The following SEC14L4 variants were observed in gnomAD, a reference collection of about 807,000 sequenced individuals.
SEC14L4 encodes the protein SEC14-like protein 4.
A neutral mutation model predicts 55.1 loss-of-function variants in SEC14L4; 42 were observed. The ratio of observed to expected loss-of-function variants is 0.76; its 90% CI spans 0.60 to 0.99. The LOEUF (loss-of-function observed/expected upper bound fraction) is 0.99, where lower values mean the gene tolerates loss of function less well. Among genes scored for constraint, SEC14L4 ranks in the 50% least tolerant of loss-of-function variants. The pLI, the probability that SEC14L4 is intolerant of heterozygous loss-of-function variation, is 0.00. For synonymous variants in SEC14L4, 206 were observed against 206.8 expected (o/e 1.00, Z 0.03); for missense variants, 445 against 512.1 (o/e 0.87, Z 1.27).
intron 6 of SEC14L4, 50 bp downstream of exon 6, chr22:30,494,816 C>T (rs775447371): frequency 1.0e-5 from 13 of 1,242,452 alleles, no homozygotes; most frequent in Non-Finnish European, 1.5e-5. Context: ...CTAGGGCTCA[C>T]AGCTGGGAGC....
chr22:30,500,946 C>T (rs1343555775), intron 2 of SEC14L4, among the ~76,000 whole-genome samples: 2 of 150,820 alleles, frequency 1.3e-5, no homozygotes, highest in African/African-American at 2.4e-5. Flanking sequence ...CTGTAATCCC[C>T]GCACTTTGAG....
At chr22:30,501,854 TATATATATATATATATATATAC>T (rs1201689034) in intron 2 of SEC14L4, among the ~76,000 whole-genome samples, 3 of 137,990 alleles carry the variant, frequency 2.2e-5, no homozygotes, top group Admixed American at 7.2e-5. Flanking sequence ...CACATATATA[TATATATATATATATATATATAC>T]ATACACATAC....
At chr22:30,494,425 T>C (rs1304464798) in intron 6 of SEC14L4, among the ~76,000 whole-genome samples, 1 of 152,212 alleles carries the variant, frequency 6.6e-6, no homozygotes, top group Admixed American at 6.5e-5. Context: ...TGGAGTATAG[T>C]GGCACAATCA....
At chr22:30,496,258 C>T (rs535615146) in intron 2 of SEC14L4, among the ~76,000 whole-genome samples, 1 of 151,970 alleles carries the variant, frequency 6.6e-6, no homozygotes, top group African/African-American at 2.4e-5. Flanking sequence ...GACTACAGGG[C>T]CACACCACCA....
At chr22:30,499,937 T>C (rs948731915) in intron 2 of SEC14L4, among the ~76,000 whole-genome samples, 8 of 151,956 alleles carry the variant, frequency 5.3e-5, no homozygotes, top group Non-Finnish European at 1.0e-4. Flanking sequence ...TGGTACAATC[T>C]TGGCTCACTG....
chr22:30,492,273 C>G (rs1341680653), intron 8 of SEC14L4, 118 bp from the exon 9 acceptor site: 4 of 1,328,730 alleles, frequency 3.0e-6, no homozygotes, highest in Non-Finnish European at 4.2e-6. Context: ...CGGGCACCTA[C>G]TCCTAAGAGT....
chr22:30,489,325 C>T lies in SEC14L4; in HGVS notation c.*782G>A, dbSNP rs111337058. 0.077 allele frequency: 12,566 copies of T among 163,076 alleles called. 899 individuals carry two copies. Among genetic ancestry groups the T allele is most frequent in the African/African-American group, 0.19 (7,754 of 41,676 alleles). 10.1% of individuals were successfully genotyped at this position (163,076 alleles called of 1,614,324 possible). On this transcript the variant is annotated 3_prime_UTR_variant, in exon 12 of 12. Transcript: ENST00000255858. ...CACGATCTCAGCTCACTACAACCTC[C>T]GCCTCCTGGGTACAAGCGATTCTCC...
intron 2 of SEC14L4, among the ~76,000 whole-genome samples, chr22:30,497,895 G>C (rs978247019): frequency 3.3e-5 from 5 of 152,150 alleles, no homozygotes; most frequent in Non-Finnish European, 5.9e-5. Context: ...GCTGCCTGAG[G>C]CTACGGAGCA....
intron 2 of SEC14L4, among the ~76,000 whole-genome samples, chr22:30,496,173 T>A (rs1936143730): frequency 6.6e-6 from 1 of 152,208 alleles, no homozygotes; most frequent in South Asian, 2.1e-4. Flanking sequence ...CAGGCCAGAG[T>A]GCAGTGATGT....
intron 2 of SEC14L4, 104 bp from the exon 3 acceptor site, chr22:30,496,075 A>G: frequency 1.3e-6 from 1 of 793,764 alleles, no homozygotes. Flanking sequence ...CCTTTTCCTG[A>G]CACCCCAATA....
chr22:30,491,350 G>A (rs1421129344), intron 11 of SEC14L4: 1 of 596,672 alleles, frequency 1.7e-6, no homozygotes, highest in Non-Finnish European at 3.0e-6. Context: ...GGCTTCTTAG[G>A]AGCTGAGCCC....
intron 6 of SEC14L4, among the ~76,000 whole-genome samples, chr22:30,494,655 G>A (rs977167436): frequency 5.3e-5 from 8 of 152,128 alleles, no homozygotes; most frequent in Non-Finnish European, 7.4e-5. Context: ...GATGACAGGC[G>A]TGAGCCACCA....
chr22:30,490,213 A>C lies in SEC14L4; in HGVS notation c.1115T>G (p.Met372Arg), dbSNP rs1047930808. 1 of 1,613,952 alleles carries C rather than the reference A, an allele frequency of 6.2e-7. No individual in the cohort carries two copies. The highest frequency in any genetic ancestry group is 1.3e-5 in the African/African-American group (1 of 74,934). ...VLRFDNTYSR[M>R]HAKKLSYTVE... ...AGTGTAGCTGAGCTTCTTGGCATGC[A>C]TCCGGCTGTAGGTGTTGTCGAAGCG... is the stretch of plus-strand genomic sequence containing the variant. Residue 372 changes from methionine (M) to arginine (R), a missense_variant, in exon 12 of 12, where the codon ATG becomes AGG. By Grantham distance (91) the Met-to-Arg change is moderately conservative (BLOSUM62 -1). Coordinates refer to ENST00000255858, the MANE Select transcript of SEC14L4 (RefSeq NM_174977.4).
intron 6 of SEC14L4, 125 bp from the exon 7 acceptor site, chr22:30,494,335 C>A: frequency 1.4e-6 from 1 of 730,592 alleles, no homozygotes; most frequent in Non-Finnish European, 2.5e-6. Context: ...TCCCCACAAG[C>A]ATGTGCCTCT....
At chr22:30,505,492 C>T in intron 1 of SEC14L4, 66 bp downstream of exon 1, 3 of 1,469,236 alleles carry the variant, frequency 2.0e-6, no homozygotes, top group East Asian at 2.5e-5. Context: ...GGGCTCCAGC[C>T]GGGTTGGGCA....
chr22:30,495,029 G>A, intron 5 of SEC14L4, 68 bp from the exon 6 acceptor site: 3 of 1,397,556 alleles, frequency 2.1e-6, no homozygotes, highest in South Asian at 2.4e-5. Flanking sequence ...AGAGAGACTT[G>A]GGCACCTCTC....
Position 30,489,973 on chromosome 22 carries a change from C to T in SEC14L4, c.*134G>A, listed in dbSNP as rs78885039. Reference sequence around the variant, plus strand: ...TTGGCCACTGTGCCAGGTGAGCCTACAATGAGATGAAATGGTGACGTGGGA... The same window carrying T: ...TTGGCCACTGTGCCAGGTGAGCCTATAATGAGATGAAATGGTGACGTGGGA... On this transcript the variant is annotated 3_prime_UTR_variant, in exon 12 of 12. Transcript: ENST00000255858. 2.4e-3 allele frequency: 3,739 copies of T among 1,554,070 alleles called. 67 individuals carry two copies. In the African/African-American group the frequency reaches 0.041, roughly 17 times the overall value.
intron 1 of SEC14L4, among the ~76,000 whole-genome samples, chr22:30,504,842 C>T (rs9608955): frequency 0.19 from 29,422 of 152,044 alleles, 3,062 homozygotes; most frequent in Admixed American, 0.26. Context: ...TGAGGCCGGG[C>T]GCAGTGGCTC....
rs1292360815 is a variant in SEC14L4 at position 30,491,628 on chromosome 22, G to T, written c.1026C>A (p.Tyr342Ter). ...CATCCTCAGGCACCATGTGGGCATTGTAGCGCTGGCTGGGCAGCACCTCCG... is the reference window on the plus strand; with the variant it reads ...CATCCTCAGGCACCATGTGGGCATTTTAGCGCTGGCTGGGCAGCACCTCCG... ...EMTEVLPSQR[Y>*]NAHMVPEDGS... The change falls in exon 11 of 12, where the codon TAC (tyrosine) becomes TAA (stop). Residue 342 changes from tyrosine (Y) to a stop codon, truncating the protein, a stop_gained. Coordinates refer to ENST00000255858, the MANE Select transcript of SEC14L4 (RefSeq NM_174977.4). LOFTEE classifies it high-confidence loss of function. 1.4e-5 allele frequency: 22 copies of T among 1,614,182 alleles called. No individual in the cohort carries two copies. The highest frequency in any genetic ancestry group is 1.8e-5 in the Non-Finnish European group (21 of 1,180,022).
Sources: allele counts gnomAD v4.1 joint callset (sites outside exome capture counted in the v4.1 genomes callset), GRCh38; gene constraint gnomAD v4.1.1; transcripts MANE v1.5; gene names NCBI Gene and HGNC (gene_info 2026-07-23, HGNC 2026-07-21).